The following ZSWIM6 variants were observed in gnomAD, a reference collection of about 807,000 sequenced individuals.
The protein encoded by ZSWIM6 is zinc finger SWIM-type containing 6, also known as zinc finger SWIM domain-containing protein 6.
ZSWIM6 carries 9 observed loss-of-function variants against 113.2 expected under a neutral mutation model. The ratio of observed to expected loss-of-function variants is 0.08; its 90% CI spans 0.05 to 0.14. The LOEUF (loss-of-function observed/expected upper bound fraction) is 0.14, where lower values mean the gene tolerates loss of function less well. Ranked by LOEUF, ZSWIM6 falls within the 10% of genes least tolerant of loss-of-function variation. ZSWIM6 has a pLI of 1.00. For missense variants in ZSWIM6, 1,162 were observed against 1,552.2 expected, an observed-to-expected ratio of 0.75 and a Z score of 4.22; for synonymous variants, 611 against 606.5, an observed-to-expected ratio of 1.01 and a Z score of -0.11.
At chr5:61,352,261 G>GT (rs1350326450) in intron 1 of ZSWIM6, among the ~76,000 whole-genome samples, 2 of 152,284 alleles carry the variant, frequency 1.3e-5, no homozygotes, top group Non-Finnish European at 2.9e-5. Context: ...CCTAATCATA[G>GT]TTTTTTGTGT....
chr5:61,417,943 G>T (rs1282860595), intron 1 of ZSWIM6, among the ~76,000 whole-genome samples: 1 of 152,158 alleles, frequency 6.6e-6, no homozygotes. Flanking sequence ...TAGAGTTTTA[G>T]AATTCGAAGG....
At chr5:61,352,836 T>C (rs1269353494) in intron 1 of ZSWIM6, among the ~76,000 whole-genome samples, 4 of 152,214 alleles carry the variant, frequency 2.6e-5, no homozygotes, top group Middle Eastern at 3.4e-3. Flanking sequence ...TGCAAGATGG[T>C]GGTAGGTGTG....
chr5:61,448,979 A>G (rs1029634461), intron 1 of ZSWIM6, among the ~76,000 whole-genome samples: 2 of 152,206 alleles, frequency 1.3e-5, no homozygotes, highest in African/African-American at 2.4e-5. Flanking sequence ...AAATTGTAGC[A>G]CTGTTGCCCT....
rs1242439755 is a variant in ZSWIM6 at position 61,418,724 on chromosome 5, TA to T, written c.677-53953del. Among the ~76,000 whole-genome samples, 11 of 152,328 alleles carry T rather than the reference TA, an allele frequency of 7.2e-5. No homozygotes were observed. The East Asian group carries it at 1.9e-3, about 27-fold the overall frequency. ...AGGGAATGGTCTTTAAGATGCTCTT[TA>T]AAATTTTTCAGTGCAGGGATAAAGT... On this transcript the variant is annotated intron_variant, in intron 1 of 13. Coordinates refer to ENST00000252744, the MANE Select transcript of ZSWIM6 (RefSeq NM_020928.2).
At chr5:61,507,017 A>G (rs1748640398) in intron 4 of ZSWIM6, among the ~76,000 whole-genome samples, 1 of 152,184 alleles carries the variant, frequency 6.6e-6, no homozygotes, top group South Asian at 2.1e-4. Flanking sequence ...TTGAGACAGA[A>G]GAAAGGGAGC....
intron 1 of ZSWIM6, among the ~76,000 whole-genome samples, chr5:61,359,063 G>A (rs1180574002): frequency 6.6e-6 from 1 of 152,154 alleles, no homozygotes; most frequent in Non-Finnish European, 1.5e-5. Flanking sequence ...AACACACATA[G>A]TGGTAAATTA....
intron 1 of ZSWIM6, among the ~76,000 whole-genome samples, chr5:61,360,735 C>T (rs1030407398): frequency 6.6e-6 from 1 of 152,198 alleles, no homozygotes; most frequent in Non-Finnish European, 1.5e-5. Context: ...AAGGTCACCA[C>T]TGATTTTTAT....
At chr5:61,482,025 C>A (rs1213010909) in intron 2 of ZSWIM6, among the ~76,000 whole-genome samples, 1 of 152,070 alleles carries the variant, frequency 6.6e-6, no homozygotes, top group Non-Finnish European at 1.5e-5. Context: ...GGTTCCTGCC[C>A]AACGGTGGGA....
At chr5:61,408,298 C>T (rs540764757) in intron 1 of ZSWIM6, among the ~76,000 whole-genome samples, 3 of 152,220 alleles carry the variant, frequency 2.0e-5, no homozygotes, top group South Asian at 2.1e-4. Context: ...AACTGAGGGA[C>T]GAAGTTGGAG....
chr5:61,402,036 A>G (rs1745949392), intron 1 of ZSWIM6, among the ~76,000 whole-genome samples: 1 of 151,934 alleles, frequency 6.6e-6, no homozygotes, highest in Non-Finnish European at 1.5e-5. Flanking sequence ...GGGTAAAAGG[A>G]GAGACTGAAA....
chr5:61,531,862 A>C, intron 9 of ZSWIM6, 137 bp downstream of exon 9: 2 of 958,694 alleles, frequency 2.1e-6, no homozygotes, highest in African/African-American at 3.3e-5. Flanking sequence ...TATCAAAGAC[A>C]TGTTCGCTGT....
At chr5:61,397,262 T>C (rs1452170157) in intron 1 of ZSWIM6, among the ~76,000 whole-genome samples, 1 of 152,254 alleles carries the variant, frequency 6.6e-6, no homozygotes. Flanking sequence ...TAAAACATCT[T>C]ATACAAATGT....
At chr5:61,357,306 A>AT (rs1183646963) in intron 1 of ZSWIM6, among the ~76,000 whole-genome samples, 4 of 152,184 alleles carry the variant, frequency 2.6e-5, no homozygotes, top group African/African-American at 9.7e-5. Context: ...GAGGGCTTTT[A>AT]AAGCAGCACG....
intron 2 of ZSWIM6, among the ~76,000 whole-genome samples, chr5:61,490,453 G>A (rs1369241543): frequency 3.9e-5 from 6 of 152,026 alleles, no homozygotes; most frequent in African/African-American, 1.2e-4. Context: ...TTCCAGCATG[G>A]CCTACACAGC....
chr5:61,431,011 G>A (rs543189867), intron 1 of ZSWIM6, among the ~76,000 whole-genome samples: 1 of 152,158 alleles, frequency 6.6e-6, no homozygotes, highest in African/African-American at 2.4e-5. Context: ...CATTACTGGT[G>A]TTGGGGCAGA....
chr5:61,449,040 C>T (rs905621568), intron 1 of ZSWIM6, among the ~76,000 whole-genome samples: 2 of 152,162 alleles, frequency 1.3e-5, no homozygotes, highest in Non-Finnish European at 2.9e-5. Flanking sequence ...AGCCCTTTGG[C>T]CATCCTATAC....
chr5:61,336,886 A>G (rs1279236158), intron 1 of ZSWIM6, among the ~76,000 whole-genome samples: 2 of 152,266 alleles, frequency 1.3e-5, no homozygotes, highest in African/African-American at 4.8e-5. Context: ...AAAATTGTCA[A>G]GAAGAGAGAT....
chr5:61,332,999 T>TGGGGGGGGGG, intron 1 of ZSWIM6, 51 bp downstream of exon 1: 30 of 622,384 alleles, frequency 4.8e-5, no homozygotes, highest in East Asian at 1.6e-4. Context: ...AGTCCCTGGG[T>TGGGGGGGGGG]GGGGGGGGGG....
At chr5:61,451,734 C>G in intron 1 of ZSWIM6, among the ~76,000 whole-genome samples, 1 of 152,202 alleles carries the variant, frequency 6.6e-6, no homozygotes, top group East Asian at 1.9e-4. Context: ...GGGTGTAATA[C>G]TTTCTGCATT....
Sources: gnomAD v4.1 joint callset for allele counts (sites outside exome capture counted in the v4.1 genomes callset) on GRCh38, gnomAD v4.1.1 for gene constraint, MANE v1.5 for transcripts, NCBI Gene and HGNC (gene_info 2026-07-23, HGNC 2026-07-21) for gene names.